The following PLXDC2 variants were observed in gnomAD, a reference collection of about 807,000 sequenced individuals.
The protein encoded by PLXDC2 is plexin domain-containing protein 2.
Under a neutral mutation model 68.9 loss-of-function variants are expected in PLXDC2, and 40 were observed. That is an observed-to-expected ratio of 0.58 (90% CI 0.45 to 0.76). The LOEUF is 0.76. Ranked by LOEUF, PLXDC2 falls within the 30% of genes least tolerant of loss-of-function variation. The pLI is 0.00. For synonymous variants in PLXDC2, 243 were observed against 234.2 expected (o/e 1.04, Z -0.34); for missense variants, 644 against 661.9 (o/e 0.97, Z 0.30).
chr10:19,891,004 G>A (rs535021178), intron 1 of PLXDC2, among the ~76,000 whole-genome samples: 7 of 152,096 alleles, frequency 4.6e-5, no homozygotes, highest in African/African-American at 1.7e-4. Flanking sequence ...ACTTTCCCAT[G>A]TAGGGTCTAA....
chr10:20,255,187 GGATGGATAGATA>G (rs1330104550), intron 13 of PLXDC2, among the ~76,000 whole-genome samples: 1,863 of 69,964 alleles, frequency 0.027, 31 homozygotes, highest in African/African-American at 0.072. Flanking sequence ...GTGGATAGGT[GGATGGATAGATA>G]GATAGATAGA....
intron 1 of PLXDC2, among the ~76,000 whole-genome samples, chr10:19,856,982 C>T (rs1564611057): frequency 6.6e-6 from 1 of 152,050 alleles, no homozygotes; most frequent in Non-Finnish European, 1.5e-5. Flanking sequence ...TGCTGTGGCT[C>T]TTTTATTTTT....
intron 5 of PLXDC2, among the ~76,000 whole-genome samples, chr10:20,144,764 T>G (rs1254155359): frequency 6.6e-6 from 1 of 152,198 alleles, no homozygotes; most frequent in Admixed American, 6.5e-5. Flanking sequence ...TAGTGAACAC[T>G]GACTATTTTC....
chr10:20,104,784 G>A (rs1170231934), intron 4 of PLXDC2, among the ~76,000 whole-genome samples: 1 of 152,092 alleles, frequency 6.6e-6, no homozygotes, highest in Non-Finnish European at 1.5e-5. Context: ...CGGGTGTGGT[G>A]TCTCACGCCT....
At chr10:20,056,549 T>C (rs1343187295) in intron 3 of PLXDC2, among the ~76,000 whole-genome samples, 1 of 152,232 alleles carries the variant, frequency 6.6e-6, no homozygotes, top group East Asian at 1.9e-4. Flanking sequence ...CTACCCTTAC[T>C]GTTCTTCCTG....
intron 1 of PLXDC2, among the ~76,000 whole-genome samples, chr10:19,880,809 C>T (rs1837713282): frequency 6.6e-6 from 1 of 152,130 alleles, no homozygotes; most frequent in African/African-American, 2.4e-5. Context: ...TCAATTTCTG[C>T]ATCTTCAAGA....
At position 20,167,153 on chromosome 10, in the gene PLXDC2, A is replaced by G. The variant is rs79685436; in HGVS notation, c.883+2586A>G. 3.9e-3 allele frequency among the ~76,000 whole-genome samples: 593 copies of G among 152,310 alleles called. 8 individuals carry two copies. Among genetic ancestry groups the G allele is most frequent in the African/African-American group, 0.013 (557 of 41,574 alleles). ...GCCATTGTTGCTGTTAGATGCGACT[A>G]TATTTATGCAAGAAAATTAGAATCA... On this transcript the variant is annotated intron_variant, in intron 7 of 13. Transcript: ENST00000377252.
intron 6 of PLXDC2, among the ~76,000 whole-genome samples, chr10:20,154,840 CTG>C (rs970567928): frequency 6.6e-6 from 1 of 151,720 alleles, no homozygotes; most frequent in Non-Finnish European, 1.5e-5. Flanking sequence ...GGTTAGGAAA[CTG>C]TAATTTAAAT....
rs114169151 is a variant in PLXDC2, at chr10:20,189,157, A to T, written c.1061+11748A>T. Among the ~76,000 whole-genome samples, 3 of 147,306 alleles carry T rather than the reference A, an allele frequency of 2.0e-5. 1 individual carries two copies. Among genetic ancestry groups the T allele is most frequent in the African/African-American group, 7.4e-5 (3 of 40,654 alleles). On this transcript the variant is annotated intron_variant, in intron 9 of 13. Transcript: ENST00000377252. ...AAGCCTTCCAAACCTGAGTTTAACA[A>T]AAGTGTACTAATTATTTTTGTGTGG... is the stretch of plus-strand genomic sequence containing the variant.
intron 13 of PLXDC2, among the ~76,000 whole-genome samples, chr10:20,271,289 A>C (rs1239912265): frequency 6.6e-6 from 1 of 152,166 alleles, no homozygotes; most frequent in Admixed American, 6.6e-5. Flanking sequence ...TTGACAGCTA[A>C]GTCATTGATA....
rs1836186766 is a variant in PLXDC2 at position 20,288,342 on chromosome 10, A to G, written c.*8523A>G. ...TTGAATTTATTCCAGTCCTCTGGGCATCATTCCTATTTCTTCTGCCATGTC... is the reference window on the plus strand; with the variant it reads ...TTGAATTTATTCCAGTCCTCTGGGCGTCATTCCTATTTCTTCTGCCATGTC... On this transcript the variant is annotated 3_prime_UTR_variant, in exon 14 of 14. Coordinates refer to ENST00000377252, the MANE Select transcript of PLXDC2 (RefSeq NM_032812.9). 6.6e-6 allele frequency: 1 copy of G among 152,040 alleles called. No individual in the cohort carries two copies. Among genetic ancestry groups the G allele is most frequent in the African/African-American group, 2.4e-5 (1 of 41,376 alleles). 9.4% of individuals were successfully genotyped at this position (152,040 alleles called of 1,614,324 possible).
intron 1 of PLXDC2, among the ~76,000 whole-genome samples, chr10:19,906,887 A>G (rs917062880): frequency 1.3e-5 from 2 of 152,142 alleles, no homozygotes; most frequent in Non-Finnish European, 2.9e-5. Flanking sequence ...CCGAATGTCT[A>G]TGCCTCTCAT....
At chr10:20,022,523 T>C (rs765899064) in intron 2 of PLXDC2, among the ~76,000 whole-genome samples, 44 of 152,146 alleles carry the variant, frequency 2.9e-4, no homozygotes, top group Non-Finnish European at 5.9e-4. Flanking sequence ...ACCTGATGTA[T>C]TCTGTGGCCA....
intron 9 of PLXDC2, among the ~76,000 whole-genome samples, chr10:20,185,928 A>G (rs1834676521): frequency 6.6e-6 from 1 of 151,980 alleles, no homozygotes; most frequent in African/African-American, 2.4e-5. Flanking sequence ...GAACTCACCA[A>G]GCATTAAGAG....
rs150234840 is a variant in PLXDC2 at position 20,111,240 on chromosome 10, C to T, written c.542-32055C>T. ...CCTTCTAAAGTGCCTTAACATGTCT[C>T]GTATCATTTTCTAGTACTTTCACAT... On this transcript the variant is annotated intron_variant, in intron 4 of 13. Transcript: ENST00000377252. 5.3e-5 allele frequency among the ~76,000 whole-genome samples: 8 copies of T among 152,228 alleles called. No homozygotes were observed. In the East Asian group the frequency reaches 7.7e-4, roughly 15 times the overall value.
chr10:20,279,093 T>G (rs1836047374), intron 13 of PLXDC2, among the ~76,000 whole-genome samples: 1 of 152,210 alleles, frequency 6.6e-6, no homozygotes, highest in South Asian at 2.1e-4. Context: ...TGATAATAGA[T>G]TCCATTTTTA....
intron 1 of PLXDC2, among the ~76,000 whole-genome samples, chr10:19,962,376 C>T (rs1180383253): frequency 1.6e-5 from 2 of 124,232 alleles, no homozygotes; most frequent in East Asian, 5.1e-4. Context: ...CTCATGCACC[C>T]ATCTTTACTT....
intron 1 of PLXDC2, among the ~76,000 whole-genome samples, chr10:19,941,525 C>T (rs769323758): frequency 6.6e-6 from 1 of 152,176 alleles, no homozygotes; most frequent in Non-Finnish European, 1.5e-5. Flanking sequence ...TTGCAGGAAC[C>T]AGCAGTATTG....
chr10:20,259,014 A>C (rs992040603), intron 13 of PLXDC2, among the ~76,000 whole-genome samples: 1 of 151,808 alleles, frequency 6.6e-6, no homozygotes, highest in Non-Finnish European at 1.5e-5. Context: ...TCTCAAAAAA[A>C]AAAAAAAAGA....
Sources: allele counts gnomAD v4.1 joint callset (sites outside exome capture counted in the v4.1 genomes callset), GRCh38; gene constraint gnomAD v4.1.1; transcripts MANE v1.5; gene names NCBI Gene and HGNC (gene_info 2026-07-23, HGNC 2026-07-21).